The following CFAP47 variants were observed in gnomAD, a reference collection of about 807,000 sequenced individuals.
The protein encoded by CFAP47 is cilia- and flagella-associated protein 47.
CFAP47 carries 29 observed loss-of-function variants against 148.1 expected under a neutral mutation model. That is an observed-to-expected ratio of 0.20 (90% CI 0.15 to 0.27). CFAP47 has a LOEUF of 0.27. Ranked by LOEUF, CFAP47 falls within the 10% of genes least tolerant of loss-of-function variation. CFAP47 has a pLI of 1.00. For synonymous variants in CFAP47, 664 were observed against 577.3 expected (o/e 1.15, Z -2.15); for missense variants, 1,872 against 1,697.5 (o/e 1.10, Z -1.81).
At chrX:36,073,108 C>G in intron 28 of CFAP47, 31 bp from the exon 29 acceptor site, 3 of 1,051,447 alleles carry the variant, frequency 2.9e-6, no homozygotes, top group Non-Finnish European at 4.0e-6. Flanking sequence ...CGTCAAGTAG[C>G]CCTTTTTTAA....
At chrX:36,239,839 G>GAC (rs1245973767) in intron 48 of CFAP47, among the ~76,000 whole-genome samples, 4 of 111,780 alleles carry the variant, frequency 3.6e-5, no homozygotes, top group Non-Finnish European at 7.5e-5. Flanking sequence ...GGCTGATACA[G>GAC]ACACTGTGAG....
intron 62 of CFAP47, among the ~76,000 whole-genome samples, chrX:36,369,052 G>C (rs1941905797): frequency 9.0e-6 from 1 of 111,194 alleles, no homozygotes; most frequent in Non-Finnish European, 1.9e-5. Context: ...GATTCTGTTA[G>C]ATGTTTGGTT....
chrX:36,225,523 T>C (rs781801557), intron 45 of CFAP47, among the ~76,000 whole-genome samples: 2 of 111,605 alleles, frequency 1.8e-5, no homozygotes, highest in South Asian at 7.4e-4. Context: ...TTACTCTTGG[T>C]CCATACCCTC....
At chrX:36,268,127 A>G (rs1014583578) in intron 49 of CFAP47, among the ~76,000 whole-genome samples, 2 of 113,398 alleles carry the variant, frequency 1.8e-5, no homozygotes, top group African/African-American at 3.2e-5. Context: ...CTGCCTTTAC[A>G]TAAGATGATC....
chrX:35,951,751 A>T (rs1222366798), intron 5 of CFAP47, 52 bp from the exon 6 acceptor site: 35 of 1,030,575 alleles, frequency 3.4e-5, no homozygotes, highest in Middle Eastern at 6.7e-4. Flanking sequence ...CTCCTCAAAA[A>T]TTTTTTTGTG....
chrX:36,235,601 C>G (rs1177929054), intron 46 of CFAP47, among the ~76,000 whole-genome samples: 4 of 112,494 alleles, frequency 3.6e-5, no homozygotes, highest in African/African-American at 1.3e-4. Flanking sequence ...CCTGCTTCGG[C>G]TCACACACGG....
intron 60 of CFAP47, among the ~76,000 whole-genome samples, chrX:36,357,048 A>G (rs1394613837): frequency 8.9e-6 from 1 of 112,153 alleles, no homozygotes; most frequent in Non-Finnish European, 1.9e-5. Flanking sequence ...TGCAGGAACA[A>G]ACAACTTACA....
chrX:36,014,784 T>A lies in CFAP47; in HGVS notation c.3428T>A (p.Val1143Asp). 1 of 294,871 alleles carries A rather than the reference T, an allele frequency of 3.4e-6. No individual in the cohort carries two copies. Among genetic ancestry groups the A allele is most frequent in the Non-Finnish European group, 5.9e-6 (1 of 168,260 alleles). The allele number at this position is 294,871 out of a possible 1,213,427, so 24.3% of individuals were successfully genotyped here. ...ITFSPKEVTV[V>D]EFIIQVQINF... is the part of the protein sequence containing the mutation. The stretch of plus-strand genomic sequence containing the variant: ...TTTTTTTTGTATCAGGTGACAGTAG[T>A]TGAATTCATCATTCAAGTTCAGATT... The change falls in exon 22 of 64, where the codon GTT becomes GAT. Residue 1143 changes from valine (V) to aspartate (D), a missense_variant. Coordinates refer to ENST00000378653, the MANE Select transcript of CFAP47 (RefSeq NM_001304548.2).
intron 8 of CFAP47, among the ~76,000 whole-genome samples, chrX:35,962,926 GGTGTGTGTGTGTGTGTGTGT>G (rs59734260): frequency 2.4e-4 from 22 of 90,793 alleles, no homozygotes; most frequent in African/African-American, 4.9e-4. Context: ...AATAAAATGT[GGTGTGTGTGTGTGTGTGTGT>G]GTGTGTGTGT....
intron 62 of CFAP47, among the ~76,000 whole-genome samples, chrX:36,371,661 T>C (rs60297912): frequency 0.015 from 1,084 of 72,199 alleles, 106 homozygotes; most frequent in African/African-American, 0.055. Context: ...TATATGTGTG[T>C]ATATACACAC....
intron 35 of CFAP47, among the ~76,000 whole-genome samples, chrX:36,139,552 G>A (rs1261796556): frequency 3.6e-5 from 4 of 111,526 alleles, no homozygotes; most frequent in East Asian, 2.8e-4. Flanking sequence ...CAGACCAGTC[G>A]CAATGCAATT....
chrX:36,363,786 A>G (rs1941847994), intron 61 of CFAP47, among the ~76,000 whole-genome samples: 1 of 111,710 alleles, frequency 9.0e-6, no homozygotes, highest in African/African-American at 3.2e-5. Flanking sequence ...GTGCATGCTA[A>G]AAATAATAAT....
intron 2 of CFAP47, among the ~76,000 whole-genome samples, chrX:35,929,180 CA>C (rs950984647): frequency 1.1e-3 from 118 of 105,476 alleles, no homozygotes; most frequent in South Asian, 2.4e-3. Context: ...TCTGAGCCTG[CA>C]AAAAAAAAAT....
At chrX:36,144,808 G>A (rs1939206399) in intron 35 of CFAP47, 1 of 1,023,349 alleles carries the variant, frequency 9.8e-7, no homozygotes, top group African/African-American at 1.9e-5. Flanking sequence ...TTGGACATCT[G>A]ATTCCAGGTT....
intron 10 of CFAP47, among the ~76,000 whole-genome samples, chrX:35,970,078 G>A (rs1282252526): frequency 2.7e-5 from 2 of 74,590 alleles, no homozygotes; most frequent in African/African-American, 1.1e-4. Context: ...CCATACTTAC[G>A]TTTTAATTAC....
chrX:36,383,416 A>G (rs377042107), intron 63 of CFAP47, among the ~76,000 whole-genome samples: 2 of 111,648 alleles, frequency 1.8e-5, no homozygotes, highest in Admixed American at 1.9e-4. Flanking sequence ...ATCAAATGCC[A>G]GGCATGGTGT....
Position 35,967,824 on chromosome X carries a change from A to T in CFAP47, c.1806A>T (p.Lys602Asn). 8.4e-7 allele frequency: 1 copy of T among 1,194,207 alleles called. No individual in the cohort carries two copies. Among genetic ancestry groups the T allele is most frequent in the Non-Finnish European group, 1.1e-6 (1 of 882,972 alleles). ...AATIRSKDHH[K>N]HFRPIFTKVP... Reference sequence around the variant, plus strand: ...CTATCAGGTCTAAAGACCATCATAAACATTTCAGGTAACATGAAATATTAA... The same window carrying T: ...CTATCAGGTCTAAAGACCATCATAATCATTTCAGGTAACATGAAATATTAA... Residue 602 changes from lysine (K) to asparagine (N), a missense_variant, in exon 10 of 64, where the codon AAA (lysine) becomes AAT (asparagine). Coordinates refer to ENST00000378653, the MANE Select transcript of CFAP47 (RefSeq NM_001304548.2).
chrX:36,349,320 G>A, intron 58 of CFAP47, among the ~76,000 whole-genome samples: 1 of 111,491 alleles, frequency 9.0e-6, no homozygotes, highest in African/African-American at 3.3e-5. Flanking sequence ...GTGGAGTGCA[G>A]TGGCATGATC....
chrX:36,151,679 GTGTC>G (rs34056919), intron 37 of CFAP47, among the ~76,000 whole-genome samples: 17,175 of 110,481 alleles, frequency 0.16, 1,390 homozygotes, highest in Non-Finnish European at 0.23. Context: ...ATGTGTGTGT[GTGTC>G]TGTCTGTGTG....
Sources: allele counts gnomAD v4.1 joint callset (sites outside exome capture counted in the v4.1 genomes callset), GRCh38; gene constraint gnomAD v4.1.1; transcripts MANE v1.5; gene names NCBI Gene and HGNC (gene_info 2026-07-23, HGNC 2026-07-21).